The following ZNF423 variants were observed in gnomAD, a reference collection of about 807,000 sequenced individuals.
The protein encoded by ZNF423 is Ebf-associated zinc finger protein.
ZNF423 carries 12 observed loss-of-function variants against 95.8 expected under a neutral mutation model. The ratio of observed to expected loss-of-function variants is 0.13; its 90% confidence interval spans 0.08 to 0.20. ZNF423 has a LOEUF of 0.20. Among genes scored for constraint, ZNF423 ranks in the 10% least tolerant of loss-of-function variants. ZNF423 has a pLI of 1.00. For synonymous variants in ZNF423, 749 were observed against 711.9 expected, an observed-to-expected ratio of 1.05 and a Z score of -0.83; for missense variants, 1,316 against 1,737.1, an observed-to-expected ratio of 0.76 and a Z score of 4.31.
intron 7 of ZNF423, among the ~76,000 whole-genome samples, chr16:49,513,270 C>T (rs564450435): frequency 1.3e-5 from 2 of 152,294 alleles, no homozygotes; most frequent in Admixed American, 6.5e-5. Context: ...CTTCAGGCCA[C>T]ACCCATCTGG....
chr16:49,819,249 CAA>C (rs34167954), intron 1 of ZNF423, among the ~76,000 whole-genome samples: 8 of 72,714 alleles, frequency 1.1e-4, no homozygotes, highest in Admixed American at 1.9e-4. Flanking sequence ...GATTCCGTCT[CAA>C]AAAAAAAAAA....
intron 1 of ZNF423, among the ~76,000 whole-genome samples, chr16:49,794,021 GTCTCTC>G (rs5816660): frequency 7.4e-5 from 11 of 148,502 alleles, no homozygotes; most frequent in East Asian, 4.0e-4. Flanking sequence ...GTCTGTCTCT[GTCTCTC>G]TCTCTCTCTC....
chr16:49,612,409 TA>T (rs35731470), intron 5 of ZNF423, among the ~76,000 whole-genome samples: 68,572 of 128,816 alleles, frequency 0.53, 16,894 homozygotes, highest in African/African-American at 0.63. Context: ...ATAGGTACAG[TA>T]AAAAAAAAAA....
At chr16:49,759,052 CTG>C (rs1276759941) in intron 2 of ZNF423, among the ~76,000 whole-genome samples, 1 of 152,152 alleles carries the variant, frequency 6.6e-6, no homozygotes, top group Non-Finnish European at 1.5e-5. Flanking sequence ...GTTTCTAGAT[CTG>C]TGTTTCATTT....
At chr16:49,508,866 G>A (rs943453671) in intron 7 of ZNF423, among the ~76,000 whole-genome samples, 1 of 152,124 alleles carries the variant, frequency 6.6e-6, no homozygotes, top group Non-Finnish European at 1.5e-5. Context: ...AAGAGCATAA[G>A]ATGCTCCAGT....
At chr16:49,801,256 C>T (rs1019689489) in intron 1 of ZNF423, among the ~76,000 whole-genome samples, 6 of 152,194 alleles carry the variant, frequency 3.9e-5, no homozygotes, top group African/African-American at 7.2e-5. Flanking sequence ...AGGTCCCTCA[C>T]GTCCTTCCCC....
rs767388470 is a variant in ZNF423, at chr16:49,637,647, G to A, written c.1529C>T (p.Ser510Phe). 5.6e-6 allele frequency: 9 copies of A among 1,613,970 alleles called. No homozygotes were observed. Among genetic ancestry groups the A allele is most frequent in the Non-Finnish European group, 5.1e-6 (6 of 1,180,056 alleles). ...INSLQEHIRV[S>F]HCGPNANPSD... ...GGGGTTGGCGTTGGGGCCGCAGTGG[G>A]AGACGCGGATGTGCTCCTGCAGGCT... is the stretch of plus-strand genomic sequence containing the variant. The change falls in exon 4 of 8, where the codon TCC (serine) becomes TTC (phenylalanine). Residue 510 changes from serine to phenylalanine, a missense_variant. By Grantham distance (155) the Ser-to-Phe change is radical. Around this residue, in one of 6 missense-constraint regions of ZNF423, gnomAD observed 399 missense variants for 478.5 expected, o/e 0.83. Transcript: ENST00000563137. The surrounding 1 kb of genome is among the most constrained non-coding windows in gnomAD (Gnocchi z 5.6).
intron 3 of ZNF423, among the ~76,000 whole-genome samples, chr16:49,645,995 C>T (rs112585131): frequency 6.6e-6 from 1 of 152,194 alleles, no homozygotes; most frequent in African/African-American, 2.4e-5. Context: ...TCATAAATTA[C>T]CCAGTCTTGG....
chr16:49,531,768 C>G (rs1032390006), intron 5 of ZNF423, among the ~76,000 whole-genome samples: 2 of 152,118 alleles, frequency 1.3e-5, no homozygotes, highest in Non-Finnish European at 2.9e-5. Flanking sequence ...TGGGCAAGAG[C>G]TGGGAGCAGG....
In ZNF423 at chr16:49,781,706, C is replaced by G. The variant is rs9934919; in HGVS notation, c.100+7781G>C. ...CTTCTGGACATTTCTATCCATTTCC[C>G]CAGCCAAAACCTCGGGGCAAAGGAC... On this transcript the variant is annotated intron_variant, in intron 2 of 7. Coordinates refer to ENST00000563137, the MANE Select transcript of ZNF423 (RefSeq NM_001379286.1). 6.2e-3 allele frequency among the ~76,000 whole-genome samples: 938 copies of G among 152,316 alleles called. 12 individuals carry two copies. Among genetic ancestry groups the G allele is most frequent in the African/African-American group, 0.022 (904 of 41,576 alleles).
intron 2 of ZNF423, among the ~76,000 whole-genome samples, chr16:49,784,547 T>C (rs1254589184): frequency 1.3e-5 from 2 of 152,164 alleles, no homozygotes; most frequent in East Asian, 1.9e-4. Context: ...TATAATAACA[T>C]GGATGAACCT....
At chr16:49,551,617 C>A (rs968100024) in intron 5 of ZNF423, among the ~76,000 whole-genome samples, 4 of 152,184 alleles carry the variant, frequency 2.6e-5, no homozygotes, top group Non-Finnish European at 1.5e-5. Flanking sequence ...GTCAGACCTG[C>A]ACCTGCTGCA....
intron 3 of ZNF423, among the ~76,000 whole-genome samples, chr16:49,701,657 A>T (rs894274352): frequency 5.3e-5 from 8 of 151,992 alleles, no homozygotes; most frequent in Admixed American, 2.6e-4. Context: ...TTTAAACAAT[A>T]CCTCTTCGAC....
chr16:49,729,352 T>C (rs1040513921), intron 3 of ZNF423, among the ~76,000 whole-genome samples: 1 of 152,122 alleles, frequency 6.6e-6, no homozygotes, highest in Non-Finnish European at 1.5e-5. Flanking sequence ...ATTCCTCAAG[T>C]AGGATGAGGG....
At chr16:49,663,584 G>A (rs776294854) in intron 3 of ZNF423, among the ~76,000 whole-genome samples, 32 of 152,174 alleles carry the variant, frequency 2.1e-4, no homozygotes, top group Non-Finnish European at 4.0e-4. Context: ...CCTCCCTCCC[G>A]GCCAGTGGTG....
At chr16:49,746,781 C>T (rs1000721066) in intron 2 of ZNF423, among the ~76,000 whole-genome samples, 5 of 152,268 alleles carry the variant, frequency 3.3e-5, no homozygotes, top group East Asian at 1.9e-4. Context: ...CAAGACTGGG[C>T]GCTTTCTAAG....
rs143835426 is a variant in ZNF423 at position 49,676,282 on chromosome 16, G to A, written c.302-37408C>T. Among the ~76,000 whole-genome samples, 80 of 152,274 alleles carry A rather than the reference G, an allele frequency of 5.3e-4. 1 individual carries two copies. In the East Asian group the frequency reaches 5.4e-3, roughly 10 times the overall value. ...GGCACTAACTGAGATACACACACACGCACACGGGCATGTGGCTGGAAAATG... is the reference window on the plus strand; with the variant it reads ...GGCACTAACTGAGATACACACACACACACACGGGCATGTGGCTGGAAAATG... On this transcript the variant is annotated intron_variant, in intron 3 of 7. Transcript: ENST00000563137.
chr16:49,771,229 C>G (rs1300614759), intron 2 of ZNF423, among the ~76,000 whole-genome samples: 2 of 113,150 alleles, frequency 1.8e-5, no homozygotes, highest in African/African-American at 6.8e-5. Flanking sequence ...GAGTCTCACT[C>G]TCTCACTCTG....
intron 2 of ZNF423, among the ~76,000 whole-genome samples, chr16:49,780,149 T>C (rs1380386048): frequency 1.3e-5 from 2 of 152,164 alleles, no homozygotes; most frequent in Non-Finnish European, 2.9e-5. Context: ...CGTGTTCATT[T>C]CCACATGTCC....
Sources: gnomAD v4.1 joint callset for allele counts (sites outside exome capture counted in the v4.1 genomes callset) on GRCh38, gnomAD v4.1.1 for gene constraint, gnomAD v4.1.1 regional missense constraint, Gnocchi (gnomAD v3.1) non-coding constraint, MANE v1.5 for transcripts, NCBI Gene and HGNC (gene_info 2026-07-23, HGNC 2026-07-21) for gene names.